ADAMTS16: variants seen among roughly 807,000 people sequenced by gnomAD.
ADAMTS16 encodes ADAM metallopeptidase with thrombospondin type 1 motif 16, also known as A disintegrin and metalloproteinase with thrombospondin motifs 16.
Under a neutral mutation model 145.8 loss-of-function variants are expected in ADAMTS16, and 94 were observed. The ratio of observed to expected loss-of-function variants is 0.64; its 90% CI spans 0.55 to 0.77. The LOEUF is 0.77. ADAMTS16 is among the 30% of genes least tolerant of loss of function. ADAMTS16 has a pLI of 0.00. For missense variants in ADAMTS16, 1,585 were observed against 1,591.5 expected (o/e 1.00, Z 0.07); for synonymous variants, 659 against 604.3 (o/e 1.09, Z -1.33).
intron 21 of ADAMTS16, among the ~76,000 whole-genome samples, chr5:5,307,316 GC>G (rs777608901): frequency 2.0e-5 from 3 of 152,312 alleles, no homozygotes; most frequent in Admixed American, 6.5e-5. Context: ...GCAGCACACT[GC>G]AAGCGTGTGC....
At chr5:5,155,368 T>C (rs1734574881) in intron 3 of ADAMTS16, among the ~76,000 whole-genome samples, 1 of 152,214 alleles carries the variant, frequency 6.6e-6, no homozygotes, top group Non-Finnish European at 1.5e-5. Context: ...CATTTATTAT[T>C]AACTGTATCA....
rs147564357 is a variant in ADAMTS16, at chr5:5,208,391, T to C, written c.1452-702T>C. ...TAGTTGCTATTTGAAAACACAAAAA[T>C]GTTTAAATACACTTTCCCAAATGCA... On this transcript the variant is annotated intron_variant, in intron 9 of 22. Coordinates refer to ENST00000274181, the MANE Select transcript of ADAMTS16 (RefSeq NM_139056.4). Among the ~76,000 whole-genome samples the C allele has an allele frequency of 2.6e-3, 389 of 152,302 alleles. 2 individuals are homozygous for C. The highest frequency in any genetic ancestry group is 8.2e-3 in the African/African-American group (341 of 41,566).
At chr5:5,225,534 G>C in intron 11 of ADAMTS16, among the ~76,000 whole-genome samples, 1 of 152,078 alleles carries the variant, frequency 6.6e-6, no homozygotes, top group East Asian at 1.9e-4. Flanking sequence ...ACCCGGAGAC[G>C]GAGGTTGCAG....
intron 5 of ADAMTS16, among the ~76,000 whole-genome samples, chr5:5,187,173 T>C (rs1735526298): frequency 6.6e-6 from 1 of 152,224 alleles, no homozygotes; most frequent in African/African-American, 2.4e-5. Context: ...CGCAGCGCAG[T>C]GGCAAATCAC....
intron 15 of ADAMTS16, 112 bp from the exon 16 acceptor site, chr5:5,239,569 A>T: frequency 6.8e-7 from 1 of 1,463,270 alleles, no homozygotes. Context: ...GTCTTCACCC[A>T]GTTCCAAATG....
At chr5:5,165,453 T>G (rs796809524) in intron 3 of ADAMTS16, among the ~76,000 whole-genome samples, 4 of 152,262 alleles carry the variant, frequency 2.6e-5, no homozygotes, top group African/African-American at 9.6e-5. Flanking sequence ...TAATATGGTA[T>G]AAAATACCTG....
chr5:5,262,907 A>C (rs1738084606), intron 18 of ADAMTS16, 124 bp downstream of exon 18: 1 of 1,400,178 alleles, frequency 7.1e-7, no homozygotes, highest in African/African-American at 1.4e-5. Flanking sequence ...ACAGTGGAGA[A>C]GCAAAGGGGA....
chr5:5,209,009 A>T (rs141307466), intron 9 of ADAMTS16, 84 bp from the exon 10 acceptor site: 4 of 1,449,244 alleles, frequency 2.8e-6, no homozygotes, highest in Non-Finnish European at 3.7e-6. Flanking sequence ...GTAAAATTAC[A>T]TGGGGGAGAA....
intron 10 of ADAMTS16, among the ~76,000 whole-genome samples, chr5:5,214,342 A>G (rs561515959): frequency 6.6e-6 from 1 of 152,326 alleles, no homozygotes; most frequent in African/African-American, 2.4e-5. Flanking sequence ...ATAATGTCAG[A>G]TCATTCCTTA....
chr5:5,183,230 G>C (rs1735390902), intron 4 of ADAMTS16, among the ~76,000 whole-genome samples: 1 of 152,214 alleles, frequency 6.6e-6, no homozygotes. Context: ...AGTGGGCTCA[G>C]GTGCAGGGGA....
intron 3 of ADAMTS16, among the ~76,000 whole-genome samples, chr5:5,156,570 C>T (rs1734609828): frequency 6.6e-6 from 1 of 152,190 alleles, no homozygotes; most frequent in Non-Finnish European, 1.5e-5. Flanking sequence ...CTGTCAGACA[C>T]AATGTGTCCG....
At chr5:5,144,735 T>C (rs1734249330) in intron 2 of ADAMTS16, among the ~76,000 whole-genome samples, 1 of 152,222 alleles carries the variant, frequency 6.6e-6, no homozygotes, top group South Asian at 2.1e-4. Flanking sequence ...GATTGATTTC[T>C]ATTTAGAAGG....
chr5:5,186,998 C>A (rs913493295), intron 5 of ADAMTS16, among the ~76,000 whole-genome samples: 5 of 152,198 alleles, frequency 3.3e-5, no homozygotes, highest in Non-Finnish European at 7.3e-5. Flanking sequence ...TTTTGGTAGA[C>A]TGAACCACTA....
At chr5:5,280,522 G>A (rs1265865901) in intron 18 of ADAMTS16, among the ~76,000 whole-genome samples, 1 of 152,182 alleles carries the variant, frequency 6.6e-6, no homozygotes, top group Admixed American at 6.5e-5. Flanking sequence ...GACAAGGTTG[G>A]GAAAGTGTCT....
chr5:5,146,002 G>A, intron 2 of ADAMTS16, 128 bp from the exon 3 acceptor site: 3 of 774,946 alleles, frequency 3.9e-6, no homozygotes, highest in South Asian at 1.9e-5. Flanking sequence ...GGTAGGTGTT[G>A]CATTTTTCTT....
chr5:5,222,515 A>G (rs1170087670), intron 10 of ADAMTS16, among the ~76,000 whole-genome samples: 1 of 152,192 alleles, frequency 6.6e-6, no homozygotes, highest in African/African-American at 2.4e-5. Flanking sequence ...TGAATTAAGC[A>G]TATTTTACAT....
At chr5:5,216,334 A>G (rs1005083725) in intron 10 of ADAMTS16, among the ~76,000 whole-genome samples, 9 of 151,644 alleles carry the variant, frequency 5.9e-5, no homozygotes, top group Non-Finnish European at 1.2e-4. Flanking sequence ...GGCCATTTGT[A>G]TATCTTCTTT....
At chr5:5,171,316 C>A (rs904209940) in intron 3 of ADAMTS16, among the ~76,000 whole-genome samples, 1 of 152,130 alleles carries the variant, frequency 6.6e-6, no homozygotes, top group Non-Finnish European at 1.5e-5. Flanking sequence ...TTTTGGATAA[C>A]AGTGGTAAAA....
intron 17 of ADAMTS16, among the ~76,000 whole-genome samples, chr5:5,251,837 T>A (rs1381906681): frequency 6.6e-6 from 1 of 152,172 alleles, no homozygotes; most frequent in Admixed American, 6.5e-5. Flanking sequence ...GCCCTGGGCA[T>A]GGGGCCAAGT....
Sources: allele counts gnomAD v4.1 joint callset (sites outside exome capture counted in the v4.1 genomes callset), GRCh38; gene constraint gnomAD v4.1.1; transcripts MANE v1.5; gene names NCBI Gene and HGNC (gene_info 2026-07-23, HGNC 2026-07-21).